NTN1: variants seen among roughly 807,000 people sequenced by gnomAD.
NTN1 encodes netrin-1.
NTN1 carries 11 observed loss-of-function variants against 54.2 expected under a neutral mutation model. That is an observed-to-expected ratio of 0.20 (90% CI 0.13 to 0.34). The LOEUF is 0.34. Among genes scored for constraint, NTN1 ranks in the 10% least tolerant of loss-of-function variants. The pLI, the probability that NTN1 is intolerant of heterozygous loss-of-function variation, is 1.00. For synonymous variants in NTN1, 371 were observed against 382.0 expected, an observed-to-expected ratio of 0.97 and a Z score of 0.33; for missense variants, 740 against 893.1, an observed-to-expected ratio of 0.83 and a Z score of 2.18.
chr17:9,069,947 G>A (rs1308829541), intron 2 of NTN1, among the ~76,000 whole-genome samples: 1 of 152,202 alleles, frequency 6.6e-6, no homozygotes, highest in Non-Finnish European at 1.5e-5. Flanking sequence ...GGGTAACCCA[G>A]ATACCAGTGG....
chr17:9,223,416 G>A (rs559662325), intron 6 of NTN1, among the ~76,000 whole-genome samples: 10 of 152,274 alleles, frequency 6.6e-5, no homozygotes, highest in South Asian at 6.2e-4. Context: ...GCTGGGCGTC[G>A]TGGCGCACAC....
chr17:9,116,926 T>C (rs2092214738), intron 2 of NTN1, among the ~76,000 whole-genome samples: 1 of 152,184 alleles, frequency 6.6e-6, no homozygotes, highest in Non-Finnish European at 1.5e-5. Context: ...ATGTCGGATA[T>C]CTTGTCTGCT....
At chr17:9,010,395 C>A in the NTN1 span, among the ~76,000 whole-genome samples, 1 of 152,170 alleles carries the variant, frequency 6.6e-6, no homozygotes, top group African/African-American at 2.4e-5. Flanking sequence ...AAACAGCAAG[C>A]ACTTGGCAAG....
Position 9,221,160 on chromosome 17 carries a change from C to CCCCCCCCACA in NTN1, c.1412-6_1412-5insCCCCCACACC. The CCCCCCCCACA allele has an allele frequency of 6.3e-7, 1 of 1,586,822 alleles. No homozygotes were observed. The highest frequency in any genetic ancestry group is 8.6e-7 in the Non-Finnish European group (1 of 1,156,360). On this transcript the variant is annotated splice_polypyrimidine_tract_variant and splice_region_variant and intron_variant, in intron 5 of 6. Transcript: ENST00000173229. The surrounding 1 kb of genome is among the most constrained non-coding windows in gnomAD (Gnocchi z 4.5). ...TTTTGTCTGTGCTCCCCCCCCACCC[C>CCCCCCCCACA]CCTGCAGACTGCGATTCCTACTGCA...
intron 2 of NTN1, among the ~76,000 whole-genome samples, chr17:9,114,154 A>ATATATATATATAT (rs1491588506): frequency 8.9e-4 from 35 of 39,126 alleles, no homozygotes; most frequent in African/African-American, 3.0e-3. Flanking sequence ...AAAAAAAAAG[A>ATATATATATATAT]AAAAAAAAAA....
chr17:9,091,572 G>A (rs2092110765), intron 2 of NTN1, among the ~76,000 whole-genome samples: 1 of 150,742 alleles, frequency 6.6e-6, no homozygotes, highest in Admixed American at 6.7e-5. Context: ...TCCTGCCTCT[G>A]CCTCCTGAGT....
chr17:9,134,183 A>G (rs985072704), intron 2 of NTN1, among the ~76,000 whole-genome samples: 1 of 152,118 alleles, frequency 6.6e-6, no homozygotes, highest in East Asian at 1.9e-4. Flanking sequence ...GATTACAGGC[A>G]TGAGCCACCA....
chr17:9,108,851 G>C (rs952523098), intron 2 of NTN1, among the ~76,000 whole-genome samples: 4 of 152,026 alleles, frequency 2.6e-5, no homozygotes, highest in Non-Finnish European at 5.9e-5. Flanking sequence ...TCTCTTCAAT[G>C]TTTTTCTTTT....
intron 2 of NTN1, among the ~76,000 whole-genome samples, chr17:9,055,574 A>G (rs2091976418): frequency 6.6e-6 from 1 of 152,164 alleles, no homozygotes; most frequent in African/African-American, 2.4e-5. Flanking sequence ...TCAGGTCAAG[A>G]GAAGACGTGA....
At chr17:9,114,166 A>AAAAAATAT (rs1555569108) in intron 2 of NTN1, among the ~76,000 whole-genome samples, 1 of 74,656 alleles carries the variant, frequency 1.3e-5, no homozygotes, top group African/African-American at 5.8e-5. Flanking sequence ...AAAAAAAAAA[A>AAAAAATAT]ATATATATAT....
Position 9,046,489 on chromosome 17 carries a change from A to T in NTN1, c.1018+23098A>T, listed in dbSNP as rs547430396. 3.3e-5 allele frequency among the ~76,000 whole-genome samples: 5 copies of T among 152,270 alleles called. 1 individual carries two copies. The East Asian group carries it at 5.8e-4, about 18-fold the overall frequency. ...TACTTTTGAAAATAATCCCTTCCGA[A>T]ACCCCCCAAATAAGAGTCCAGGCAT... On this transcript the variant is annotated intron_variant, in intron 2 of 6. Coordinates refer to ENST00000173229, the MANE Select transcript of NTN1 (RefSeq NM_004822.3).
At chr17:9,160,682 G>A (rs888177473) in intron 2 of NTN1, among the ~76,000 whole-genome samples, 1 of 152,160 alleles carries the variant, frequency 6.6e-6, no homozygotes, top group Non-Finnish European at 1.5e-5. Flanking sequence ...GTTGGGTGTG[G>A]TGGCTCACGC....
rs2142316579 is a variant in NTN1 at position 9,179,946 on chromosome 17, C to T, written c.1347C>T (p.Ala449=). The T allele has an allele frequency of 6.2e-7, 1 of 1,613,420 alleles. No homozygotes were observed. Among genetic ancestry groups the T allele is most frequent in the African/African-American group, 1.3e-5 (1 of 75,060 alleles). ...KGYQQSRSPI[A]PCIKIPVAPP... ...ACCAGCAGAGCCGCTCTCCCATCGCCCCCTGCATAAGTATGTGTGGGGCAC... is the reference window on the plus strand; with the variant it reads ...ACCAGCAGAGCCGCTCTCCCATCGCTCCCTGCATAAGTATGTGTGGGGCAC... Residue 449 remains alanine, a synonymous_variant, in exon 4 of 7, where the codon GCC becomes GCT. Transcript: ENST00000173229.
intron 2 of NTN1, among the ~76,000 whole-genome samples, chr17:9,051,045 A>T (rs933013143): frequency 7.9e-5 from 12 of 152,082 alleles, no homozygotes; most frequent in Non-Finnish European, 1.5e-4. Flanking sequence ...GTCCTGGGAG[A>T]GAGAGGATTT....
In NTN1 at chr17:9,209,253, T is replaced by TC. The variant is rs1460156083; in HGVS notation, c.1412-11912dup. On this transcript the variant is annotated intron_variant, in intron 5 of 6. Coordinates refer to ENST00000173229, the MANE Select transcript of NTN1 (RefSeq NM_004822.3). The stretch of plus-strand genomic sequence containing the variant: ...GATCATAGGTTGGATGTGAACCCTT[T>TC]CCCTGCAGCCCTGCTCAGTAGATTT... Among the ~76,000 whole-genome samples the TC allele has an allele frequency of 2.0e-5, 3 of 152,308 alleles. No individual in the cohort carries two copies. The East Asian group carries it at 5.8e-4, about 29-fold the overall frequency.
rs2286511 is a variant in NTN1, at chr17:9,162,937, T to C, written c.1143T>C (p.His381=). The C allele has an allele frequency of 0.045, 71,954 of 1,613,678 alleles. 5,227 individuals are homozygous for C. The highest frequency in any genetic ancestry group is 0.37 in the East Asian group (16,728 of 44,814). Residue 381 remains histidine (H), a synonymous_variant, in exon 3 of 7, where the codon CAT becomes CAC. Coordinates refer to ENST00000173229, the MANE Select transcript of NTN1 (RefSeq NM_004822.3). The part of the protein sequence containing the change: ...CRHNTAGRHC[H]YCKEGYYRDM... ...ACAACACCGCCGGCCGCCACTGCCA[T>C]TACTGCAAGGAGGGCTACTACCGCG...
intron 2 of NTN1, among the ~76,000 whole-genome samples, chr17:9,103,541 G>T (rs780820189): frequency 1.6e-4 from 24 of 151,988 alleles, no homozygotes; most frequent in Non-Finnish European, 3.2e-4. Flanking sequence ...CCATGTGTTT[G>T]CTTCCCCTTC....
chr17:9,025,150 G>A (rs1302668979), intron 2 of NTN1, among the ~76,000 whole-genome samples: 1 of 152,144 alleles, frequency 6.6e-6, no homozygotes. Context: ...AACTTGATGT[G>A]GTGGTGAAAT....
chr17:9,005,867 C>T, the NTN1 span, among the ~76,000 whole-genome samples: 1 of 152,298 alleles, frequency 6.6e-6, no homozygotes, highest in Admixed American at 6.5e-5. Flanking sequence ...AACCCAGGGG[C>T]CTTCTCTTAC....
Sources: gnomAD v4.1 joint callset for allele counts (sites outside exome capture counted in the v4.1 genomes callset) on GRCh38, gnomAD v4.1.1 for gene constraint, Gnocchi (gnomAD v3.1) non-coding constraint, MANE v1.5 for transcripts, NCBI Gene and HGNC (gene_info 2026-07-23, HGNC 2026-07-21) for gene names.